Variants in ZNF185 observed in about 807,000 individuals in gnomAD.
ZNF185 encodes the protein zinc finger protein 185.
A neutral mutation model predicts 58.6 loss-of-function variants in ZNF185; 56 were observed. The observed-to-expected ratio is 0.95, with a 90% CI of 0.77 to 1.19. The LOEUF is 1.19. ZNF185 is among the 50% of genes most tolerant of loss of function. ZNF185 has a pLI of 0.00. For synonymous variants in ZNF185, 230 were observed against 215.9 expected, an observed-to-expected ratio of 1.07 and a Z score of -0.57; for missense variants, 627 against 573.5, an observed-to-expected ratio of 1.09 and a Z score of -0.95.
At chrX:152,968,145 C>T (rs2125989429) in intron 20 of ZNF185, among the ~76,000 whole-genome samples, 1 of 112,354 alleles carries the variant, frequency 8.9e-6, no homozygotes, top group Admixed American at 9.4e-5. Flanking sequence ...GCCAGGGAAT[C>T]TCCTCCACTA....
At chrX:152,937,957 C>A in intron 14 of ZNF185, 117 bp from the exon 17 acceptor site, 1 of 657,580 alleles carries the variant, frequency 1.5e-6, no homozygotes, top group South Asian at 2.8e-5. Flanking sequence ...AGACACCAGC[C>A]TTTACTGGAA....
At chrX:152,947,486 A>T (rs2047899214) in intron 16 of ZNF185, among the ~76,000 whole-genome samples, 1 of 112,324 alleles carries the variant, frequency 8.9e-6, no homozygotes, top group Non-Finnish European at 1.9e-5. Flanking sequence ...GGTGACAGGA[A>T]CTAGCTGAGG....
intron 12 of ZNF185, among the ~76,000 whole-genome samples, chrX:152,930,231 G>C (rs1941694370): frequency 8.9e-6 from 1 of 112,087 alleles, no homozygotes; most frequent in Non-Finnish European, 1.9e-5. Context: ...ACAGAGAGGG[G>C]TGATGGAAAG....
intron 11 of ZNF185, among the ~76,000 whole-genome samples, chrX:152,923,421 G>T (rs1364909436): frequency 1.8e-5 from 2 of 112,422 alleles, no homozygotes; most frequent in Admixed American, 9.4e-5. Flanking sequence ...GCAGCAGACT[G>T]CCAGGGTGCT....
chrX:152,951,579 T>C (rs1254798724), intron 16 of ZNF185, among the ~76,000 whole-genome samples: 6 of 111,663 alleles, frequency 5.4e-5, no homozygotes, highest in South Asian at 7.4e-4. Flanking sequence ...TATATATATA[T>C]ACACACACAC....
intron 16 of ZNF185, among the ~76,000 whole-genome samples, chrX:152,955,765 G>A (rs781909318): frequency 1.1e-3 from 117 of 111,303 alleles, no homozygotes; most frequent in African/African-American, 2.8e-3. Flanking sequence ...AGCCGGGCGC[G>A]GTGGCATGCG....
intron 22 of ZNF185, among the ~76,000 whole-genome samples, 200 bp downstream of exon 24, chrX:152,970,741 A>G (rs782393227): frequency 6.3e-4 from 70 of 111,372 alleles, no homozygotes; most frequent in South Asian, 1.9e-3. Flanking sequence ...AAGGCCCTCA[A>G]TGAGGACACT....
intron 16 of ZNF185, among the ~76,000 whole-genome samples, chrX:152,948,815 G>A (rs1166884154): frequency 8.9e-6 from 1 of 111,856 alleles, no homozygotes. Flanking sequence ...TTTCTTTCGA[G>A]GGCAAAGAGG....
chrX:152,916,118 C>T (rs1938409107), intron 3 of ZNF185, among the ~76,000 whole-genome samples: 2 of 112,021 alleles, frequency 1.8e-5, no homozygotes, highest in African/African-American at 6.5e-5. Flanking sequence ...CCCTAGTAAA[C>T]AGTTCAATAC....
exon 1 of ZNF185, chrX:152,914,516 C>T (rs1373311729): frequency 8.5e-7 from 1 of 1,182,305 alleles, no homozygotes; most frequent in East Asian, 3.1e-5. Flanking sequence ...TTGGAGGCCG[C>T]ACCAAAGGTG....
intron 17 of ZNF185, among the ~76,000 whole-genome samples, chrX:152,961,509 T>C (rs1420711014): frequency 1.8e-5 from 2 of 111,454 alleles, no homozygotes; most frequent in Non-Finnish European, 3.8e-5. Context: ...GAGCTCCCTT[T>C]GTTCCCCAGA....
the ZNF185 span, among the ~76,000 whole-genome samples, chrX:152,902,600 G>C: frequency 8.8e-6 from 1 of 113,022 alleles, no homozygotes; most frequent in South Asian, 3.6e-4. Flanking sequence ...GCCTGAGCCT[G>C]GGCACCTCCT....
chrX:152,941,026 G>C (rs139292471), intron 15 of ZNF185, among the ~76,000 whole-genome samples: 1 of 112,297 alleles, frequency 8.9e-6, no homozygotes, highest in African/African-American at 3.2e-5. Context: ...CCTTGGCTGA[G>C]AGAAGTGTCC....
chrX:152,938,106 C>G, exon 15 of ZNF185: 2 of 1,184,255 alleles, frequency 1.7e-6, no homozygotes, highest in South Asian at 3.7e-5. Context: ...GCTGTCCCTG[C>G]TGATAGGAAG....
chrX:152,954,075 C>T (rs1198251814), intron 16 of ZNF185, among the ~76,000 whole-genome samples: 2 of 109,734 alleles, frequency 1.8e-5, no homozygotes, highest in Non-Finnish European at 3.8e-5. Flanking sequence ...GCAATAGGGA[C>T]AATGCTGCAA....
the ZNF185 span, among the ~76,000 whole-genome samples, chrX:152,908,745 C>T: frequency 8.8e-6 from 1 of 113,390 alleles, no homozygotes; most frequent in Non-Finnish European, 1.9e-5. Context: ...CTTACCTGGG[C>T]CACTGCGTGG....
chrX:152,900,072 C>T, the ZNF185 span, among the ~76,000 whole-genome samples: 1 of 112,208 alleles, frequency 8.9e-6, no homozygotes, highest in Non-Finnish European at 1.9e-5. Context: ...GCCTTTCCCA[C>T]GTGAGGCCAG....
chrX:152,920,608 G>C, intron 8 of ZNF185, 99 bp from the exon 10 acceptor site: 1 of 1,095,015 alleles, frequency 9.1e-7, no homozygotes, highest in East Asian at 3.0e-5. Context: ...GTGAAGTGCC[G>C]GGAATGGAGA....
Position 152,922,268 on chromosome X carries a change from C to T in ZNF185, c.740+12C>T, listed in dbSNP as rs781802942. The T allele has an allele frequency of 8.6e-7, 1 of 1,166,962 alleles. No homozygotes were observed. Among genetic ancestry groups the T allele is most frequent in the South Asian group, 1.9e-5 (1 of 52,582 alleles). On this transcript the variant is annotated intron_variant, in intron 10 of 22. Coordinates refer to ENST00000449285, the Ensembl canonical transcript of ZNF185. Reference sequence around the variant, plus strand: ...CCTGGCTCAAACAGGTAATCCATTGCGCTCATCTCTGCCTGGGGCTGGTGG... The same window carrying T: ...CCTGGCTCAAACAGGTAATCCATTGTGCTCATCTCTGCCTGGGGCTGGTGG...
Sources: allele counts gnomAD v4.1 joint callset (sites outside exome capture counted in the v4.1 genomes callset), GRCh38; gene constraint gnomAD v4.1.1; transcripts MANE v1.5; gene names NCBI Gene and HGNC (gene_info 2026-07-23, HGNC 2026-07-21).